The following DLGAP2 variants were observed in gnomAD, a reference collection of about 807,000 sequenced individuals.
DLGAP2 encodes DLG associated protein 2, also known as disks large-associated protein 2.
Under a neutral mutation model 100.3 loss-of-function variants are expected in DLGAP2, and 26 were observed. The observed-to-expected ratio is 0.26, with a 90% CI of 0.19 to 0.36. The LOEUF (loss-of-function observed/expected upper bound fraction) is 0.36. DLGAP2 is among the 10% of genes least tolerant of loss of function. DLGAP2 has a pLI of 1.00. For synonymous variants in DLGAP2, 886 were observed against 630.1 expected, an observed-to-expected ratio of 1.41 and a Z score of -6.08; for missense variants, 1,858 against 1,453.2, an observed-to-expected ratio of 1.28 and a Z score of -4.53.
intron 3 of DLGAP2, among the ~76,000 whole-genome samples, chr8:1,346,593 G>A (rs1330225638): frequency 2.0e-5 from 3 of 151,568 alleles, no homozygotes; most frequent in African/African-American, 7.3e-5. Context: ...CATCTGCATT[G>A]CTCTCATGGT....
At chr8:1,004,911 G>A (rs973325993) in intron 2 of DLGAP2, among the ~76,000 whole-genome samples, 1 of 152,188 alleles carries the variant, frequency 6.6e-6, no homozygotes. Flanking sequence ...GGCAGGAGGG[G>A]GCTGCTGTCC....
intron 5 of DLGAP2, among the ~76,000 whole-genome samples, chr8:1,553,910 C>T (rs181905111): frequency 3.9e-5 from 6 of 152,304 alleles, no homozygotes; most frequent in South Asian, 2.1e-4. Context: ...GTCATCCTTG[C>T]GGTGTAGTTT....
At chr8:1,410,580 C>T (rs1475082794) in intron 3 of DLGAP2, among the ~76,000 whole-genome samples, 3 of 152,210 alleles carry the variant, frequency 2.0e-5, no homozygotes, top group African/African-American at 7.2e-5. Context: ...CAAGTCAGCT[C>T]CCTTCTCAGA....
chr8:1,047,734 A>G (rs1274561230), intron 2 of DLGAP2, among the ~76,000 whole-genome samples: 1 of 150,990 alleles, frequency 6.6e-6, no homozygotes, highest in East Asian at 2.0e-4. Context: ...TAAGGACTCT[A>G]CTCTCATTCA....
intron 1 of DLGAP2, among the ~76,000 whole-genome samples, chr8:744,443 G>A (rs945374536): frequency 5.3e-5 from 8 of 152,180 alleles, no homozygotes; most frequent in South Asian, 4.1e-4. Context: ...ACGCCTCCTC[G>A]AGGTACAGAT....
At chr8:945,056 C>T (rs1329243511) in intron 2 of DLGAP2, among the ~76,000 whole-genome samples, 2 of 152,202 alleles carry the variant, frequency 1.3e-5, no homozygotes, top group Non-Finnish European at 2.9e-5. Flanking sequence ...GTTCTTTCCA[C>T]CCCAATTTCT....
At chr8:1,261,556 G>A (rs1302422724) in intron 3 of DLGAP2, among the ~76,000 whole-genome samples, 1 of 151,660 alleles carries the variant, frequency 6.6e-6, no homozygotes, top group Non-Finnish European at 1.5e-5. Context: ...GCCGAGGGTG[G>A]GGGTGGGAGG....
At chr8:824,188 T>A (rs1286617215) in intron 1 of DLGAP2, among the ~76,000 whole-genome samples, 1 of 152,050 alleles carries the variant, frequency 6.6e-6, no homozygotes, top group Admixed American at 6.6e-5. Context: ...GATCCTCCCA[T>A]CTCAGCCTCC....
At chr8:1,309,437 A>T (rs895872673) in intron 3 of DLGAP2, among the ~76,000 whole-genome samples, 2 of 152,224 alleles carry the variant, frequency 1.3e-5, no homozygotes, top group Non-Finnish European at 1.5e-5. Context: ...ACCATGGAAG[A>T]CAAAAGAGAA....
chr8:788,506 A>G (rs1821939417), intron 1 of DLGAP2, among the ~76,000 whole-genome samples: 1 of 152,232 alleles, frequency 6.6e-6, no homozygotes, highest in East Asian at 1.9e-4. Flanking sequence ...CATCCCAGGT[A>G]GTGTCCAGGG....
intron 1 of DLGAP2, among the ~76,000 whole-genome samples, chr8:879,558 C>G (rs1797747729): frequency 6.6e-6 from 1 of 152,186 alleles, no homozygotes; most frequent in Admixed American, 6.5e-5. Flanking sequence ...TTGAACATCT[C>G]TGGTTCCTTC....
chr8:1,521,094 G>A (rs1028510952), intron 4 of DLGAP2, among the ~76,000 whole-genome samples: 3 of 151,998 alleles, frequency 2.0e-5, no homozygotes, highest in African/African-American at 7.3e-5. Context: ...TGGAATACTC[G>A]GGCGGGAGGT....
At chr8:922,630 G>T (rs1203492410) in intron 2 of DLGAP2, among the ~76,000 whole-genome samples, 1 of 152,138 alleles carries the variant, frequency 6.6e-6, no homozygotes, top group African/African-American at 2.4e-5. Context: ...TTGATTATTT[G>T]CAACCATGAA....
chr8:1,387,713 A>G (rs1382493637), intron 3 of DLGAP2, among the ~76,000 whole-genome samples: 1 of 152,142 alleles, frequency 6.6e-6, no homozygotes, highest in Non-Finnish European at 1.5e-5. Context: ...GGTGACTGGT[A>G]GGGGTGAAGG....
intron 3 of DLGAP2, among the ~76,000 whole-genome samples, chr8:1,322,984 G>A (rs78875808): frequency 0.015 from 2,241 of 151,594 alleles, 64 homozygotes; most frequent in African/African-American, 0.051. Context: ...TCCCCTCCAT[G>A]CCCCATAGAA....
chr8:1,093,159 C>T (rs1180654755), intron 2 of DLGAP2, among the ~76,000 whole-genome samples: 1 of 152,214 alleles, frequency 6.6e-6, no homozygotes, highest in Non-Finnish European at 1.5e-5. Context: ...GGTATGAGGG[C>T]CATCTCCTTC....
At chr8:1,081,547 C>G (rs1803811908) in intron 2 of DLGAP2, among the ~76,000 whole-genome samples, 1 of 152,172 alleles carries the variant, frequency 6.6e-6, no homozygotes, top group Non-Finnish European at 1.5e-5. Context: ...AGACAGGTTT[C>G]TCCATGTTGG....
intron 3 of DLGAP2, among the ~76,000 whole-genome samples, chr8:1,455,353 C>T (rs1798280972): frequency 6.6e-6 from 1 of 152,242 alleles, no homozygotes; most frequent in Admixed American, 6.5e-5. Flanking sequence ...GGGGCCAAGG[C>T]CGCTGCAGAC....
intron 3 of DLGAP2, among the ~76,000 whole-genome samples, chr8:1,355,598 C>T (rs1801829880): frequency 6.6e-6 from 1 of 152,164 alleles, no homozygotes; most frequent in Non-Finnish European, 1.5e-5. Flanking sequence ...CTCCTGACCT[C>T]ATGATCCACC....
Sources: gnomAD v4.1 joint callset for allele counts (sites outside exome capture counted in the v4.1 genomes callset) on GRCh38, gnomAD v4.1.1 for gene constraint, MANE v1.5 for transcripts, NCBI Gene and HGNC (gene_info 2026-07-23, HGNC 2026-07-21) for gene names.